NEK10: variants seen among roughly 807,000 people sequenced by gnomAD.
NEK10 encodes the protein NIMA related kinase 10.
Under a neutral mutation model 159.8 loss-of-function variants are expected in NEK10, and 122 were observed. The ratio of observed to expected loss-of-function variants is 0.76; its 90% CI spans 0.66 to 0.89. NEK10 has a LOEUF of 0.89. NEK10 is among the 40% of genes least tolerant of loss of function. NEK10 has a pLI of 0.00. For synonymous variants in NEK10, 466 were observed against 457.1 expected (o/e 1.02, Z -0.25); for missense variants, 1,342 against 1,323.1 (o/e 1.01, Z -0.22).
chr3:27,321,230 C>A (rs538686575), intron 6 of NEK10, among the ~76,000 whole-genome samples: 1 of 152,092 alleles, frequency 6.6e-6, no homozygotes, highest in South Asian at 2.1e-4. Context: ...TATGTCTTTG[C>A]TACTCAAAGT....
At chr3:27,305,764 A>T (rs982818062) in intron 11 of NEK10, among the ~76,000 whole-genome samples, 2 of 152,210 alleles carry the variant, frequency 1.3e-5, no homozygotes. Context: ...CTATATACTC[A>T]GTGCAAAGTG....
chr3:27,308,888 T>C lies in NEK10; in HGVS notation c.716+38A>G. ...ATCCTTACCACCTAAATTGCTATAG[T>C]AGCAGAACTGGAAAGTATATTAGAA... On this transcript the variant is annotated intron_variant, in intron 10 of 35. Transcript: ENST00000691995. 5 of 993,334 alleles carry C rather than the reference T, an allele frequency of 5.0e-6. No individual in the cohort carries two copies. In the South Asian group the frequency reaches 6.7e-5, roughly 13 times the overall value. The allele number at this position is 993,334 out of a possible 1,614,324, so 61.5% of individuals were successfully genotyped here.
intron 23 of NEK10, among the ~76,000 whole-genome samples, chr3:27,249,125 C>G (rs181406097): frequency 6.6e-6 from 1 of 152,142 alleles, no homozygotes; most frequent in Non-Finnish European, 1.5e-5. Flanking sequence ...CTCATGTGAT[C>G]GGTTTTGTGT....
At chr3:27,182,749 A>T (rs183978955) in intron 26 of NEK10, among the ~76,000 whole-genome samples, 1 of 152,258 alleles carries the variant, frequency 6.6e-6, no homozygotes, top group East Asian at 1.9e-4. Context: ...TCAGTCATAA[A>T]AAAGAATGAA....
At chr3:27,237,978 G>C (rs944960702) in intron 23 of NEK10, among the ~76,000 whole-genome samples, 17 of 152,154 alleles carry the variant, frequency 1.1e-4, no homozygotes, top group African/African-American at 3.4e-4. Context: ...ACAGCAGAAA[G>C]GTTGTAAATA....
intron 22 of NEK10, chr3:27,278,617 T>C (rs2041934364): frequency 1.3e-6 from 1 of 779,236 alleles, no homozygotes; most frequent in Non-Finnish European, 1.6e-6. Flanking sequence ...CATGTGACCT[T>C]CTGTGTCATG....
At chr3:27,301,930 G>C in intron 12 of NEK10, 95 bp from the exon 13 acceptor site, 1 of 889,622 alleles carries the variant, frequency 1.1e-6, no homozygotes, top group Non-Finnish European at 1.8e-6. Flanking sequence ...GCCTCCCTCA[G>C]GTCATGAAGG....
chr3:27,225,999 TGAA>T (rs1952598613), intron 23 of NEK10, among the ~76,000 whole-genome samples: 1 of 152,258 alleles, frequency 6.6e-6, no homozygotes, highest in South Asian at 2.1e-4. Context: ...TATGTCTACT[TGAA>T]GAAATGTCCC....
intron 29 of NEK10, among the ~76,000 whole-genome samples, chr3:27,170,782 T>G (rs145828021): frequency 6.6e-6 from 1 of 152,128 alleles, no homozygotes; most frequent in African/African-American, 2.4e-5. Flanking sequence ...TTAATCTGCC[T>G]TTCCCTATTT....
chr3:27,178,332 C>T (rs985465998), intron 26 of NEK10, among the ~76,000 whole-genome samples: 1 of 151,750 alleles, frequency 6.6e-6, no homozygotes, highest in Non-Finnish European at 1.5e-5. Context: ...TTTAAAATTG[C>T]CAGAAAGTTT....
chr3:27,178,110 T>C (rs1401893200), intron 26 of NEK10, among the ~76,000 whole-genome samples: 1 of 152,160 alleles, frequency 6.6e-6, no homozygotes, highest in South Asian at 2.1e-4. Flanking sequence ...TCAGCACCAT[T>C]ATAGAAGATG....
chr3:27,288,574 C>T (rs2042782298), intron 19 of NEK10, among the ~76,000 whole-genome samples: 1 of 152,160 alleles, frequency 6.6e-6, no homozygotes, highest in African/African-American at 2.4e-5. Flanking sequence ...AATCTCTCTC[C>T]TCTATTACAA....
intron 23 of NEK10, chr3:27,206,476 A>G (rs1437755214): frequency 1.0e-5 from 5 of 494,440 alleles, no homozygotes; most frequent in Non-Finnish European, 1.3e-5. Flanking sequence ...TTGCAATATT[A>G]GAAAAAATGG....
chr3:27,293,218 C>A (rs1182121125), intron 16 of NEK10, among the ~76,000 whole-genome samples: 1 of 152,150 alleles, frequency 6.6e-6, no homozygotes, highest in Non-Finnish European at 1.5e-5. Context: ...AGTGAAATTA[C>A]CCGATTGACT....
intron 6 of NEK10, among the ~76,000 whole-genome samples, chr3:27,317,805 T>C (rs1218141216): frequency 6.6e-6 from 1 of 151,774 alleles, no homozygotes; most frequent in Non-Finnish European, 1.5e-5. Flanking sequence ...TTATTTATTA[T>C]TTATTTATTT....
intron 1 of NEK10, among the ~76,000 whole-genome samples, chr3:27,355,165 G>T (rs2048245176): frequency 6.6e-6 from 1 of 152,118 alleles, no homozygotes; most frequent in Admixed American, 6.5e-5. Context: ...CTACTGAGTT[G>T]AATTTCCCTC....
intron 23 of NEK10, among the ~76,000 whole-genome samples, chr3:27,218,604 C>CAAAAAAAA (rs534568582): frequency 1.5e-5 from 1 of 67,434 alleles, no homozygotes; most frequent in Non-Finnish European, 2.8e-5. Context: ...GTCTCCATCT[C>CAAAAAAAA]AAAAAAAAAA....
At position 27,202,414 on chromosome 3, in the gene NEK10, C is replaced by G; in HGVS notation, c.2220+14G>C. The stretch of plus-strand genomic sequence containing the variant: ...TAGCTACACGAGACCCTTCTGTCTC[C>G]CAGCGTTGCTTACTTTTGTAGCCAA... On this transcript the variant is annotated intron_variant, in intron 24 of 35. Transcript: ENST00000691995. 6.2e-7 allele frequency: 1 copy of G among 1,601,008 alleles called. No homozygotes were observed.
chr3:27,258,403 A>G (rs971023543), intron 22 of NEK10, among the ~76,000 whole-genome samples: 1 of 121,506 alleles, frequency 8.2e-6, no homozygotes, highest in African/African-American at 3.2e-5. Flanking sequence ...CTGGTGTGTG[A>G]TGTTCCCCTT....
Sources: gnomAD v4.1 joint callset for allele counts (sites outside exome capture counted in the v4.1 genomes callset) on GRCh38, gnomAD v4.1.1 for gene constraint, MANE v1.5 for transcripts, NCBI Gene and HGNC (gene_info 2026-07-23, HGNC 2026-07-21) for gene names.